The following SORCS1 variants were observed in gnomAD, a reference collection of about 807,000 sequenced individuals.
SORCS1 encodes sortilin related VPS10 domain containing receptor 1, also known as VPS10 domain-containing receptor SorCS1.
A neutral mutation model predicts 146.1 loss-of-function variants in SORCS1; 60 were observed. The observed-to-expected ratio is 0.41, with a 90% CI of 0.33 to 0.51. The LOEUF is 0.51. SORCS1 is among the 20% of genes least tolerant of loss of function. The probability of loss-of-function intolerance (pLI) is 0.21; values close to 1 mark genes in which losing one functional copy is unlikely to be tolerated. For synonymous variants in SORCS1, 637 were observed against 584.0 expected (o/e 1.09, Z -1.31); for missense variants, 1,352 against 1,487.6 (o/e 0.91, Z 1.50).
Position 106,618,261 on chromosome 10 carries a change from G to C in SORCS1, c.2808C>G (p.Thr936=), listed in dbSNP as rs1415656734. The C allele has an allele frequency of 3.9e-5, 63 of 1,613,802 alleles. No homozygotes were observed. Among genetic ancestry groups the C allele is most frequent in the Non-Finnish European group, 5.3e-5 (63 of 1,179,894 alleles). ...ATCTGAAGGATATGCTTCCCTCCAA[G>C]GTGATCAAAGGCTAAAATAAACAAG... ...WYGNNTEPLI[T]LEGSISFRFT... is the part of the protein sequence containing the mutation. Residue 936 remains threonine, a synonymous_variant, in exon 21 of 26, where the codon ACC becomes ACG. Coordinates refer to ENST00000263054, the MANE Select transcript of SORCS1 (RefSeq NM_052918.5).
intron 18 of SORCS1, among the ~76,000 whole-genome samples, chr10:106,640,753 AT>A (rs1347675221): frequency 6.6e-6 from 1 of 152,196 alleles, no homozygotes; most frequent in Non-Finnish European, 1.5e-5. Flanking sequence ...TCCAGAGGAC[AT>A]CCATCTTGAG....
intron 1 of SORCS1, among the ~76,000 whole-genome samples, chr10:107,011,948 T>C (rs1239655816): frequency 2.0e-5 from 3 of 152,204 alleles, no homozygotes; most frequent in African/African-American, 7.2e-5. Context: ...AATAAGGAGA[T>C]CTTTATTTCT....
chr10:106,645,148 T>C (rs1272830599), intron 18 of SORCS1, among the ~76,000 whole-genome samples: 2 of 146,692 alleles, frequency 1.4e-5, no homozygotes, highest in African/African-American at 5.0e-5. Flanking sequence ...GCATTTTTTT[T>C]TTTTTGAGAG....
At chr10:106,742,850 G>A (rs1237902722) in intron 5 of SORCS1, among the ~76,000 whole-genome samples, 2 of 152,076 alleles carry the variant, frequency 1.3e-5, no homozygotes, top group African/African-American at 4.8e-5. Flanking sequence ...TTTCAAATTA[G>A]GGCTGTACTA....
intron 6 of SORCS1, among the ~76,000 whole-genome samples, chr10:106,714,320 A>G (rs1855211427): frequency 6.6e-6 from 1 of 151,998 alleles, no homozygotes; most frequent in Non-Finnish European, 1.5e-5. Context: ...AAAGAACTTA[A>G]TAAACTATGG....
intron 25 of SORCS1, chr10:106,578,141 G>A (rs983932571): frequency 1.3e-5 from 2 of 152,288 alleles, no homozygotes; most frequent in African/African-American, 2.4e-5. Context: ...AGCAATGCAG[G>A]ATCTAGATGT....
At position 107,060,867 on chromosome 10, in the gene SORCS1, C is replaced by G. The variant is rs949459022; in HGVS notation, c.558+103102G>C. ...TTAGTTAATTTTATTGAATCACAAG[C>G]CTCTAAACTAATGTCTTAAAAATTC... On this transcript the variant is annotated intron_variant, in intron 1 of 25. Transcript: ENST00000263054. The surrounding 1 kb of genome is among the most constrained non-coding windows in gnomAD (Gnocchi z 4.1). 2.8e-4 allele frequency among the ~76,000 whole-genome samples: 43 copies of G among 151,996 alleles called. No individual in the cohort carries two copies. The highest frequency in any genetic ancestry group is 8.2e-4 in the African/African-American group (34 of 41,398).
At chr10:106,728,882 G>C (rs1361096564) in intron 6 of SORCS1, among the ~76,000 whole-genome samples, 4 of 152,140 alleles carry the variant, frequency 2.6e-5, no homozygotes, top group African/African-American at 9.7e-5. Flanking sequence ...TGGTAATTGT[G>C]GATAGTCCAT....
intron 2 of SORCS1, among the ~76,000 whole-genome samples, chr10:106,839,226 G>A (rs928764317): frequency 3.3e-5 from 5 of 152,198 alleles, no homozygotes; most frequent in African/African-American, 9.6e-5. Flanking sequence ...GGCCTCTTGT[G>A]TCAAACAGTC....
In SORCS1 at chr10:106,876,216, G is replaced by A. The variant is rs117576175; in HGVS notation, c.627-46543C>T. ...ATGCAGCTTCTCTGACATTGAGGGCGCGGTTTTTATAATCAACATGAATAA... is the reference window on the plus strand; with the variant it reads ...ATGCAGCTTCTCTGACATTGAGGGCACGGTTTTTATAATCAACATGAATAA... On this transcript the variant is annotated intron_variant, in intron 2 of 25. Coordinates refer to ENST00000263054, the MANE Select transcript of SORCS1 (RefSeq NM_052918.5). 3.1e-3 allele frequency among the ~76,000 whole-genome samples: 467 copies of A among 152,180 alleles called. 2 individuals are homozygous for A. Among genetic ancestry groups the A allele is most frequent in the Non-Finnish European group, 5.7e-3 (387 of 68,008 alleles).
At chr10:106,891,926 G>A (rs1331156803) in intron 2 of SORCS1, among the ~76,000 whole-genome samples, 5 of 152,150 alleles carry the variant, frequency 3.3e-5, no homozygotes, top group African/African-American at 1.2e-4. Flanking sequence ...TGGGGAGCAG[G>A]AGGTAAACCA....
At chr10:106,764,006 C>A (rs777298106) in intron 4 of SORCS1, among the ~76,000 whole-genome samples, 5 of 152,170 alleles carry the variant, frequency 3.3e-5, no homozygotes, top group Non-Finnish European at 2.9e-5. Flanking sequence ...TTCCTAGTCA[C>A]GTTTCTACCT....
intron 24 of SORCS1, among the ~76,000 whole-genome samples, chr10:106,585,432 C>G (rs1029961539): frequency 2.3e-4 from 35 of 152,214 alleles, no homozygotes; most frequent in Admixed American, 1.0e-3. Context: ...AAAAATACCC[C>G]CCTACACACA....
chr10:107,028,487 C>T (rs1361593435), intron 1 of SORCS1, among the ~76,000 whole-genome samples: 1 of 152,184 alleles, frequency 6.6e-6, no homozygotes, highest in Non-Finnish European at 1.5e-5. Flanking sequence ...TTAGTCACTA[C>T]AATACAGTGT....
chr10:106,681,844 C>T (rs955120522), intron 10 of SORCS1, among the ~76,000 whole-genome samples: 4 of 152,140 alleles, frequency 2.6e-5, no homozygotes, highest in Non-Finnish European at 5.9e-5. Context: ...AGAAAGATGT[C>T]AGGCCGGGCA....
chr10:106,998,607 G>A (rs1957090492), intron 1 of SORCS1, among the ~76,000 whole-genome samples: 1 of 152,202 alleles, frequency 6.6e-6, no homozygotes. Flanking sequence ...TACAGTTAAT[G>A]CGAAACCACT....
intron 2 of SORCS1, among the ~76,000 whole-genome samples, chr10:106,865,585 C>T (rs777936654): frequency 1.3e-5 from 2 of 151,728 alleles, no homozygotes; most frequent in Non-Finnish European, 2.9e-5. Context: ...ATTAGCCAGG[C>T]GTGGCAGCGG....
At chr10:106,782,570 G>A (rs1214480306) in intron 3 of SORCS1, among the ~76,000 whole-genome samples, 2 of 152,198 alleles carry the variant, frequency 1.3e-5, no homozygotes, top group Admixed American at 6.5e-5. Flanking sequence ...AGAGTACATA[G>A]AAGATGAGTA....
chr10:107,045,189 C>T (rs1959261549), intron 1 of SORCS1, among the ~76,000 whole-genome samples: 3 of 152,142 alleles, frequency 2.0e-5, no homozygotes, highest in African/African-American at 7.2e-5. Flanking sequence ...TGTTTTAGGA[C>T]AGTGGCTATA....
Sources: allele counts gnomAD v4.1 joint callset (sites outside exome capture counted in the v4.1 genomes callset), GRCh38; gene constraint gnomAD v4.1.1; non-coding constraint Gnocchi (gnomAD v3.1); transcripts MANE v1.5; gene names NCBI Gene and HGNC (gene_info 2026-07-23, HGNC 2026-07-21).